PLCB1: variants seen among roughly 807,000 people sequenced by gnomAD.
PLCB1 encodes phospholipase C beta 1, also known as 1-phosphatidylinositol 4,5-bisphosphate phosphodiesterase beta-1.
A neutral mutation model predicts 161.8 loss-of-function variants in PLCB1; 46 were observed. The observed-to-expected ratio is 0.28, with a 90% CI of 0.22 to 0.36. The LOEUF is 0.36. Among genes scored for constraint, PLCB1 ranks in the 10% least tolerant of loss-of-function variants. PLCB1 has a pLI of 1.00. For missense variants in PLCB1, 1,016 were observed against 1,472.5 expected, an observed-to-expected ratio of 0.69 and a Z score of 5.07; for synonymous variants, 517 against 503.7, an observed-to-expected ratio of 1.03 and a Z score of -0.35.
intron 24 of PLCB1, among the ~76,000 whole-genome samples, chr20:8,757,516 T>C (rs1024334149): frequency 3.9e-5 from 6 of 152,186 alleles, no homozygotes; most frequent in Admixed American, 6.5e-5. Flanking sequence ...AAGTGCATTC[T>C]TAGTCTTGCT....
intron 9 of PLCB1, 33 bp from the exon 10 acceptor site, chr20:8,684,899 C>T (rs755423838): frequency 6.5e-7 from 1 of 1,543,124 alleles, no homozygotes; most frequent in Non-Finnish European, 8.8e-7. Flanking sequence ...TAAAAGAATG[C>T]ATTCACATCC....
At chr20:8,438,876 C>T (rs916996569) in intron 3 of PLCB1, among the ~76,000 whole-genome samples, 1 of 152,186 alleles carries the variant, frequency 6.6e-6, no homozygotes, top group African/African-American at 2.4e-5. Context: ...AAGGCACCCA[C>T]TCTGCTTTTT....
intron 3 of PLCB1, among the ~76,000 whole-genome samples, chr20:8,417,236 A>G (rs1979340716): frequency 2.0e-5 from 3 of 150,236 alleles, no homozygotes; most frequent in Admixed American, 2.0e-4. Context: ...ACAGGCGCCC[A>G]CCACCATGCC....
At chr20:8,244,071 A>G (rs1980749886) in intron 2 of PLCB1, among the ~76,000 whole-genome samples, 1 of 151,994 alleles carries the variant, frequency 6.6e-6, no homozygotes, top group Non-Finnish European at 1.5e-5. Context: ...GATATACTAC[A>G]TGTCCACTGG....
chr20:8,432,071 T>C (rs994183733), intron 3 of PLCB1, among the ~76,000 whole-genome samples: 4 of 152,056 alleles, frequency 2.6e-5, no homozygotes, highest in Non-Finnish European at 5.9e-5. Context: ...AATATCTCTG[T>C]TGTGGGATTT....
At chr20:8,152,489 T>C (rs112756031) in intron 2 of PLCB1, among the ~76,000 whole-genome samples, 2 of 152,212 alleles carry the variant, frequency 1.3e-5, no homozygotes, top group African/African-American at 4.8e-5. Context: ...TTAGTGGGGA[T>C]TTTTTTGCAT....
At chr20:8,818,477 T>A (rs1388072538) in intron 31 of PLCB1, among the ~76,000 whole-genome samples, 1 of 152,178 alleles carries the variant, frequency 6.6e-6, no homozygotes, top group African/African-American at 2.4e-5. Context: ...AAAGATACAA[T>A]GTTCAGATAT....
intron 3 of PLCB1, among the ~76,000 whole-genome samples, chr20:8,540,283 T>C (rs891910455): frequency 6.6e-6 from 1 of 152,310 alleles, no homozygotes; most frequent in East Asian, 1.9e-4. Context: ...CCATCTCATC[T>C]AGAAAGCAGG....
intron 3 of PLCB1, among the ~76,000 whole-genome samples, chr20:8,469,307 T>C (rs917201897): frequency 2.6e-5 from 4 of 152,130 alleles, no homozygotes; most frequent in South Asian, 2.1e-4. Flanking sequence ...GAGAACAAAG[T>C]ATGCTTAGAT....
intron 3 of PLCB1, among the ~76,000 whole-genome samples, chr20:8,524,894 C>T (rs1021649053): frequency 1.3e-5 from 2 of 152,134 alleles, no homozygotes; most frequent in Admixed American, 6.6e-5. Context: ...AGGGAGGGAG[C>T]GTCTGTGTAC....
chr20:8,206,878 A>G (rs1390332267), intron 2 of PLCB1, among the ~76,000 whole-genome samples: 1 of 152,140 alleles, frequency 6.6e-6, no homozygotes. Context: ...TACATAAATC[A>G]TGATATTTCA....
chr20:8,819,830 A>G (rs937625137), intron 31 of PLCB1, among the ~76,000 whole-genome samples: 4 of 152,288 alleles, frequency 2.6e-5, no homozygotes, highest in African/African-American at 9.6e-5. Flanking sequence ...TTAGACTTAA[A>G]AATAAAAAGT....
chr20:8,707,229 C>T lies in PLCB1; in HGVS notation c.1168-1441C>T, dbSNP rs868058865. Reference sequence around the variant, plus strand: ...GCAAATGTAGTACAGAATTAGAAAGCCTTACTTATACTCTGGGGCCAGGGA... The same window carrying T: ...GCAAATGTAGTACAGAATTAGAAAGTCTTACTTATACTCTGGGGCCAGGGA... On this transcript the variant is annotated intron_variant, in intron 11 of 31. Transcript: ENST00000338037. Among the ~76,000 whole-genome samples the T allele has an allele frequency of 5.9e-4, 90 of 152,176 alleles. 1 individual carries two copies. The highest frequency in any genetic ancestry group is 2.1e-3 in the African/African-American group (88 of 41,532).
chr20:8,697,598 T>TG, intron 10 of PLCB1, 28 bp from the exon 11 acceptor site: 1 of 1,612,736 alleles, frequency 6.2e-7, no homozygotes, highest in Admixed American at 1.7e-5. Context: ...CATGGGAATC[T>TG]GGGGTTTGTT....
chr20:8,686,010 T>G (rs1990349950), intron 10 of PLCB1, among the ~76,000 whole-genome samples: 1 of 152,194 alleles, frequency 6.6e-6, no homozygotes, highest in South Asian at 2.1e-4. Context: ...TGAAATATTT[T>G]TATAAAATGT....
intron 2 of PLCB1, among the ~76,000 whole-genome samples, chr20:8,331,544 C>T (rs570914951): frequency 6.6e-6 from 1 of 152,278 alleles, no homozygotes; most frequent in South Asian, 2.1e-4. Flanking sequence ...TTTATCAGCA[C>T]CATTTTTCTG....
At chr20:8,375,770 G>A (rs568647875) in intron 3 of PLCB1, among the ~76,000 whole-genome samples, 29 of 152,076 alleles carry the variant, frequency 1.9e-4, no homozygotes, top group African/African-American at 6.5e-4. Context: ...TATGAAATGG[G>A]GCATGGGATA....
chr20:8,774,228 T>G (rs556636565), intron 26 of PLCB1, among the ~76,000 whole-genome samples: 1 of 150,790 alleles, frequency 6.6e-6, no homozygotes, highest in Non-Finnish European at 1.5e-5. Flanking sequence ...TGAAAATTTT[T>G]TATTAGACAC....
chr20:8,178,343 T>A (rs2051804271), intron 2 of PLCB1, among the ~76,000 whole-genome samples: 2 of 152,064 alleles, frequency 1.3e-5, no homozygotes, highest in South Asian at 4.1e-4. Context: ...TTTTTCTGAC[T>A]GGTGTGAGAT....
Sources: gnomAD v4.1 joint callset for allele counts (sites outside exome capture counted in the v4.1 genomes callset) on GRCh38, gnomAD v4.1.1 for gene constraint, MANE v1.5 for transcripts, NCBI Gene and HGNC (gene_info 2026-07-23, HGNC 2026-07-21) for gene names.